The following ATP8A1 variants were observed in gnomAD, a reference collection of about 807,000 sequenced individuals.
The protein encoded by ATP8A1 is phospholipid-transporting ATPase IA.
A neutral mutation model predicts 177.7 loss-of-function variants in ATP8A1; 90 were observed. The observed-to-expected ratio is 0.51, with a 90% CI of 0.43 to 0.60. ATP8A1 has a LOEUF of 0.60. Among genes scored for constraint, ATP8A1 ranks in the 20% least tolerant of loss-of-function variants. The pLI is 0.00. For synonymous variants in ATP8A1, 493 were observed against 485.9 expected (o/e 1.01, Z -0.19); for missense variants, 1,072 against 1,392.8 (o/e 0.77, Z 3.67).
Position 42,645,066 on chromosome 4 carries a change from A to G in ATP8A1, c.49+11759T>C, listed in dbSNP as rs140650525. Among the ~76,000 whole-genome samples, 10 of 152,340 alleles carry G rather than the reference A, an allele frequency of 6.6e-5. No individual in the cohort carries two copies. In the East Asian group the frequency reaches 1.9e-3, roughly 29 times the overall value. On this transcript the variant is annotated intron_variant, in intron 1 of 36. Coordinates refer to ENST00000381668, the MANE Select transcript of ATP8A1 (RefSeq NM_006095.2). The stretch of plus-strand genomic sequence containing the variant: ...AAAAAACTAGTAATGACACTGCAGA[A>G]AAGCTCATATTGAACAAGCTCCCAG...
chr4:42,526,840 T>A (rs1399454315), intron 20 of ATP8A1, among the ~76,000 whole-genome samples: 2 of 152,182 alleles, frequency 1.3e-5, no homozygotes, highest in African/African-American at 2.4e-5. Context: ...TTTTGGGGTT[T>A]CTGGAGGTGG....
intron 15 of ATP8A1, among the ~76,000 whole-genome samples, chr4:42,567,711 A>T (rs932888299): frequency 6.6e-6 from 1 of 152,228 alleles, no homozygotes; most frequent in Non-Finnish European, 1.5e-5. Context: ...CAAGTTTTCC[A>T]AAAGGGTGTT....
chr4:42,485,409 C>A, intron 25 of ATP8A1, 87 bp downstream of exon 25: 1 of 1,260,918 alleles, frequency 7.9e-7, no homozygotes. Flanking sequence ...TTTGTAAACT[C>A]TGGATTACTT....
chr4:42,620,542 GAACAA>G (rs1434342523), intron 4 of ATP8A1, among the ~76,000 whole-genome samples: 1 of 152,128 alleles, frequency 6.6e-6, no homozygotes, highest in East Asian at 1.9e-4. Flanking sequence ...CTTTGCCAGG[GAACAA>G]AACAAAGCAA....
At position 42,628,237 on chromosome 4, in the gene ATP8A1, AGT is replaced by A. The variant is rs763875611; in HGVS notation, c.50-1130_50-1129del. 2.2e-3 allele frequency among the ~76,000 whole-genome samples: 338 copies of A among 152,358 alleles called. 2 individuals are homozygous for A. The highest frequency in any genetic ancestry group is 2.3e-3 in the Non-Finnish European group (159 of 68,034). ...CTGATGAAAAAACAACTGTTGGCCA[AGT>A]GCTGGTAACAACTATGTGAAAAGCT... On this transcript the variant is annotated intron_variant, in intron 1 of 36. Coordinates refer to ENST00000381668, the MANE Select transcript of ATP8A1 (RefSeq NM_006095.2).
At position 42,622,216 on chromosome 4, in the gene ATP8A1, G is replaced by GAAAA. The variant is rs3046095; in HGVS notation, c.363+2316_363+2319dup. Among the ~76,000 whole-genome samples, 19 of 137,720 alleles carry GAAAA rather than the reference G, an allele frequency of 1.4e-4. No individual in the cohort carries two copies. In the South Asian group the frequency reaches 3.3e-3, roughly 24 times the overall value. The allele number at this position is 137,720 out of a possible 152,430, so 90.3% of individuals were successfully genotyped here. On this transcript the variant is annotated intron_variant, in intron 4 of 36. Transcript: ENST00000381668. ...CATGGCAAAACCCTGTCTCTACTAG[G>GAAAA]AAAAAAAAAAAAAAAATTAGCCGGG... is the stretch of plus-strand genomic sequence containing the variant.
Position 42,556,043 on chromosome 4 carries a change from G to C in ATP8A1, c.1341-3C>G. On this transcript the variant is annotated splice_region_variant and splice_polypyrimidine_tract_variant and intron_variant, in intron 15 of 36. Transcript: ENST00000381668. Reference sequence around the variant, plus strand: ...CATCTCCAAACTGTGAGTTCTGCCTGAAGGGGGTAAAAAATAGAGTAAACC... The same window carrying C: ...CATCTCCAAACTGTGAGTTCTGCCTCAAGGGGGTAAAAAATAGAGTAAACC... 1 of 1,607,874 alleles carries C rather than the reference G, an allele frequency of 6.2e-7. No homozygotes were observed. The highest frequency in any genetic ancestry group is 8.5e-7 in the Non-Finnish European group (1 of 1,176,248).
At position 42,537,170 on chromosome 4, in the gene ATP8A1, C is replaced by T. The variant is rs186968958; in HGVS notation, c.1722+6747G>A. ...AACAAAAAAACCAAAAAAACCCCCA[C>T]GTGATCATCTCAATAGATGCAGAAA... On this transcript the variant is annotated intron_variant, in intron 20 of 36. Coordinates refer to ENST00000381668, the MANE Select transcript of ATP8A1 (RefSeq NM_006095.2). Among the ~76,000 whole-genome samples the T allele has an allele frequency of 2.0e-4, 30 of 150,546 alleles. 1 individual carries two copies. Among genetic ancestry groups the T allele is most frequent in the African/African-American group, 6.1e-4 (25 of 41,054 alleles).
At chr4:42,562,421 G>A in intron 15 of ATP8A1, 1 of 155,208 alleles carries the variant, frequency 6.4e-6, no homozygotes, top group Non-Finnish European at 1.4e-5. Context: ...TGCTGCTGCT[G>A]CTCCTGGGAC....
chr4:42,527,495 T>C (rs1193750922), intron 20 of ATP8A1, among the ~76,000 whole-genome samples: 3 of 152,174 alleles, frequency 2.0e-5, no homozygotes, highest in Admixed American at 6.5e-5. Flanking sequence ...CTTTCCACTT[T>C]TGTCTGAGGA....
At chr4:42,422,376 C>T (rs1714064195) in intron 35 of ATP8A1, among the ~76,000 whole-genome samples, 1 of 152,180 alleles carries the variant, frequency 6.6e-6, no homozygotes, top group South Asian at 2.1e-4. Context: ...AAGTGTGAGC[C>T]ACCACGCCTG....
At chr4:42,432,373 A>G (rs938305290) in intron 33 of ATP8A1, among the ~76,000 whole-genome samples, 2 of 152,216 alleles carry the variant, frequency 1.3e-5, no homozygotes, top group Non-Finnish European at 2.9e-5. Context: ...TCTGCTGGCA[A>G]TGCTACCACT....
intron 1 of ATP8A1, among the ~76,000 whole-genome samples, chr4:42,632,558 A>G (rs559607488): frequency 6.6e-6 from 1 of 152,346 alleles, no homozygotes. Context: ...GAATAGTCAC[A>G]TGTAACTTTT....
In ATP8A1 at chr4:42,634,455, T is replaced by C. The variant is rs371612319; in HGVS notation, c.50-7346A>G. On this transcript the variant is annotated intron_variant, in intron 1 of 36. Coordinates refer to ENST00000381668, the MANE Select transcript of ATP8A1 (RefSeq NM_006095.2). ...AACAAATAATTAACCACTTAATGAATAGAATTCTCTTTACAGCCAAACAAC... is the reference window on the plus strand; with the variant it reads ...AACAAATAATTAACCACTTAATGAACAGAATTCTCTTTACAGCCAAACAAC... 1.5e-3 allele frequency among the ~76,000 whole-genome samples: 227 copies of C among 152,354 alleles called. 1 individual carries two copies. Among genetic ancestry groups the C allele is most frequent in the African/African-American group, 4.6e-3 (190 of 41,588 alleles).
At chr4:42,525,581 C>T (rs1726594584) in intron 20 of ATP8A1, among the ~76,000 whole-genome samples, 1 of 152,206 alleles carries the variant, frequency 6.6e-6, no homozygotes, top group South Asian at 2.1e-4. Context: ...AAGTCCTTTT[C>T]AGCTTTAACT....
intron 6 of ATP8A1, among the ~76,000 whole-genome samples, chr4:42,597,042 A>T (rs572655911): frequency 6.6e-6 from 1 of 152,320 alleles, no homozygotes; most frequent in South Asian, 2.1e-4. Context: ...GTTTCAGGGC[A>T]GTAACTGGAG....
Position 42,423,522 on chromosome 4 carries a change from C to A in ATP8A1, c.3212+95G>T, listed in dbSNP as rs1191312908. 8 of 750,216 alleles carry A rather than the reference C, an allele frequency of 1.1e-5. No individual in the cohort carries two copies. The South Asian group carries it at 1.9e-4, about 17-fold the overall frequency. 46.5% of individuals were successfully genotyped at this position (750,216 alleles called of 1,614,324 possible). On this transcript the variant is annotated intron_variant, in intron 34 of 36. Transcript: ENST00000381668. ...AGTAATATTACCAGTCCCTATCCTGCAAGCTCTACATGCTTGAGTTGATGT... is the reference window on the plus strand; with the variant it reads ...AGTAATATTACCAGTCCCTATCCTGAAAGCTCTACATGCTTGAGTTGATGT...
At chr4:42,444,514 C>A (rs752534643) in intron 32 of ATP8A1, 64 bp downstream of exon 32, 20 of 1,494,712 alleles carry the variant, frequency 1.3e-5, no homozygotes, top group Non-Finnish European at 1.8e-5. Flanking sequence ...AGACCACCAC[C>A]AAGACTGGAG....
In ATP8A1 at chr4:42,411,161, G is replaced by A. The variant is rs1273408158; in HGVS notation, c.*1755C>T. 4.6e-5 allele frequency: 7 copies of A among 152,148 alleles called. No individual in the cohort carries two copies. Among genetic ancestry groups the A allele is most frequent in the Non-Finnish European group, 1.0e-4 (7 of 68,028 alleles). The allele number at this position is 152,148 out of a possible 1,614,324, so 9.4% of individuals were successfully genotyped here. ...GGCTTGGGAAGTAAAGTATGTAAAC[G>A]TGTGTTCCCTTAAGGTTAGAATTAT... On this transcript the variant is annotated 3_prime_UTR_variant, in exon 37 of 37. Transcript: ENST00000381668.
Sources: gnomAD v4.1 joint callset for allele counts (sites outside exome capture counted in the v4.1 genomes callset) on GRCh38, gnomAD v4.1.1 for gene constraint, MANE v1.5 for transcripts, NCBI Gene and HGNC (gene_info 2026-07-23, HGNC 2026-07-21) for gene names.